The following LDLRAD3 variants were observed in gnomAD, a reference collection of about 807,000 sequenced individuals.
LDLRAD3 encodes low density lipoprotein receptor class A domain containing 3, also known as low-density lipoprotein receptor class A domain-containing protein 3.
LDLRAD3 carries 20 observed loss-of-function variants against 29.4 expected under a neutral mutation model. That is an observed-to-expected ratio of 0.68 (90% confidence interval 0.48 to 0.99). LDLRAD3 has a LOEUF of 0.99. LDLRAD3 is among the 50% of genes least tolerant of loss of function. The probability of loss-of-function intolerance (pLI) is 0.00; values close to 1 mark genes in which losing one functional copy is unlikely to be tolerated. For missense variants in LDLRAD3, 420 were observed against 454.3 expected (o/e 0.92, Z 0.69); for synonymous variants, 157 against 192.7 (o/e 0.81, Z 1.53).
chr11:36,015,306 T>TCCCCCCCCCCCCC (rs11347924), intron 1 of LDLRAD3, among the ~76,000 whole-genome samples: 1 of 87,722 alleles, frequency 1.1e-5, no homozygotes, highest in Non-Finnish European at 2.3e-5. Context: ...GACATGCCAT[T>TCCCCCCCCCCCCC]CCCCCCCCCC....
chr11:36,113,130 T>A (rs1181883820), intron 4 of LDLRAD3, among the ~76,000 whole-genome samples: 1 of 152,206 alleles, frequency 6.6e-6, no homozygotes, highest in Non-Finnish European at 1.5e-5. Flanking sequence ...TCTTCTATGA[T>A]TCTTTCTCAC....
rs1317435859 is a variant in LDLRAD3 at position 35,944,672 on chromosome 11, C to T, written c.46+528C>T. On this transcript the variant is annotated intron_variant, in intron 1 of 5. Transcript: ENST00000315571. This position sits in a 1 kb window ranked among gnomAD's most constrained non-coding sequence, Gnocchi z 4.9. ...AGCAAAGCTGCTTCCTTTCATTCCT[C>T]TCTGGGACTGTTTGGTTTGGGTAAA... Among the ~76,000 whole-genome samples, 2 of 152,182 alleles carry T rather than the reference C, an allele frequency of 1.3e-5. No individual in the cohort carries two copies. Among genetic ancestry groups the T allele is most frequent in the Non-Finnish European group, 2.9e-5 (2 of 68,042 alleles).
intron 4 of LDLRAD3, among the ~76,000 whole-genome samples, chr11:36,165,954 C>T (rs1565272934): frequency 1.6e-5 from 2 of 121,654 alleles, no homozygotes; most frequent in South Asian, 6.6e-4. Context: ...TCCTCCCTCC[C>T]TCCCTCCCTC....
At chr11:36,034,150 G>T (rs1314576522) in intron 1 of LDLRAD3, among the ~76,000 whole-genome samples, 2 of 151,998 alleles carry the variant, frequency 1.3e-5, no homozygotes, top group Non-Finnish European at 2.9e-5. Context: ...AATCTTTTTT[G>T]ATTTATTTGA....
Position 36,136,917 on chromosome 11 carries a change from C to T in LDLRAD3, c.454+38456C>T, listed in dbSNP as rs1854012731. 2.6e-5 allele frequency among the ~76,000 whole-genome samples: 4 copies of T among 152,268 alleles called. No homozygotes were observed. In the South Asian group the frequency reaches 8.3e-4, roughly 32 times the overall value. ...TGTTGGCCAAGTGGGTCTCAAACTC[C>T]TGGCCTCGAGTGATCCACCTGCCTC... is the stretch of plus-strand genomic sequence containing the variant. On this transcript the variant is annotated intron_variant, in intron 4 of 5. Coordinates refer to ENST00000315571, the MANE Select transcript of LDLRAD3 (RefSeq NM_174902.4).
chr11:35,974,442 A>G (rs945204433), intron 1 of LDLRAD3, among the ~76,000 whole-genome samples: 1 of 152,134 alleles, frequency 6.6e-6, no homozygotes, highest in Non-Finnish European at 1.5e-5. Context: ...GCACACACTT[A>G]CTTACTATGT....
chr11:35,944,391 C>T lies in LDLRAD3; in HGVS notation c.46+247C>T, dbSNP rs146027334. The stretch of plus-strand genomic sequence containing the variant: ...TTGTGCTGTGTGCGCGGGCGGGGCT[C>T]TGTGTGCAGTCCGGGTCTGGGGAGC... On this transcript the variant is annotated intron_variant, in intron 1 of 5. Transcript: ENST00000315571. This position sits in a 1 kb window ranked among gnomAD's most constrained non-coding sequence, Gnocchi z 4.9. Among the ~76,000 whole-genome samples, 2 of 152,050 alleles carry T rather than the reference C, an allele frequency of 1.3e-5. No homozygotes were observed. The highest frequency in any genetic ancestry group is 4.8e-5 in the African/African-American group (2 of 41,434).
intron 4 of LDLRAD3, among the ~76,000 whole-genome samples, chr11:36,149,888 A>G (rs1270896632): frequency 2.6e-5 from 4 of 151,970 alleles, no homozygotes; most frequent in Non-Finnish European, 4.4e-5. Flanking sequence ...CATGTTCCTC[A>G]TGACTCATGA....
At chr11:36,125,277 A>G (rs1853818970) in intron 4 of LDLRAD3, among the ~76,000 whole-genome samples, 1 of 152,154 alleles carries the variant, frequency 6.6e-6, no homozygotes, top group Non-Finnish European at 1.5e-5. Context: ...ATGGTCTCTG[A>G]AAGCAACTTC....
At chr11:36,174,413 C>A (rs1854641487) in intron 4 of LDLRAD3, among the ~76,000 whole-genome samples, 1 of 152,166 alleles carries the variant, frequency 6.6e-6, no homozygotes, top group Non-Finnish European at 1.5e-5. Flanking sequence ...AAACTACCAT[C>A]AGAGTGAACA....
intron 3 of LDLRAD3, among the ~76,000 whole-genome samples, chr11:36,093,060 C>A (rs1853307242): frequency 6.6e-6 from 1 of 152,130 alleles, no homozygotes; most frequent in South Asian, 2.1e-4. Context: ...AGCAACTATG[C>A]CCCTGAGTGT....
At chr11:36,142,337 C>T (rs1249069447) in intron 4 of LDLRAD3, among the ~76,000 whole-genome samples, 3 of 152,172 alleles carry the variant, frequency 2.0e-5, no homozygotes, top group Non-Finnish European at 4.4e-5. Context: ...TATCCATGTG[C>T]CTGTTTGTTC....
intron 2 of LDLRAD3, among the ~76,000 whole-genome samples, chr11:36,070,525 C>T (rs1237082045): frequency 6.6e-6 from 1 of 152,122 alleles, no homozygotes; most frequent in Non-Finnish European, 1.5e-5. Context: ...GGAGTCATGG[C>T]CAGAGTAGGT....
intron 4 of LDLRAD3, among the ~76,000 whole-genome samples, chr11:36,206,961 C>T (rs939262046): frequency 2.0e-5 from 3 of 152,028 alleles, no homozygotes; most frequent in Non-Finnish European, 2.9e-5. Context: ...CTCTTGACCT[C>T]GTGATACACC....
intron 3 of LDLRAD3, among the ~76,000 whole-genome samples, chr11:36,086,239 G>A (rs772956283): frequency 6.6e-6 from 1 of 152,090 alleles, no homozygotes; most frequent in Non-Finnish European, 1.5e-5. Flanking sequence ...CAACATCTGT[G>A]TCATCTTGGC....
intron 3 of LDLRAD3, among the ~76,000 whole-genome samples, chr11:36,087,157 A>G (rs186739535): frequency 1.3e-5 from 2 of 152,348 alleles, no homozygotes; most frequent in Non-Finnish European, 2.9e-5. Context: ...AACAGAGGAA[A>G]AGGGAACTTA....
intron 1 of LDLRAD3, among the ~76,000 whole-genome samples, chr11:36,032,614 A>G (rs926164684): frequency 6.6e-6 from 1 of 152,150 alleles, no homozygotes; most frequent in Non-Finnish European, 1.5e-5. Context: ...AGGTATAGCA[A>G]CATCTCTGGA....
Position 36,081,919 on chromosome 11 carries a change from C to G in LDLRAD3, c.319+141C>G, listed in dbSNP as rs1372602394. Reference sequence around the variant, plus strand: ...TCTGTTACCCAGATTCTGTTCTTCCCTACTTCTTGTGTAAATCTGTAAATG... The same window carrying G: ...TCTGTTACCCAGATTCTGTTCTTCCGTACTTCTTGTGTAAATCTGTAAATG... On this transcript the variant is annotated intron_variant, in intron 3 of 5. Transcript: ENST00000315571. 3 of 1,013,936 alleles carry G rather than the reference C, an allele frequency of 3.0e-6. No homozygotes were observed. In the African/African-American group the frequency reaches 4.8e-5, roughly 16 times the overall value. 62.8% of individuals were successfully genotyped at this position (1,013,936 alleles called of 1,614,324 possible).
chr11:36,186,931 T>G (rs1490973986), intron 4 of LDLRAD3, among the ~76,000 whole-genome samples: 1 of 152,204 alleles, frequency 6.6e-6, no homozygotes, highest in African/African-American at 2.4e-5. Context: ...TCCCCTTAAG[T>G]TGATAGTGGA....
Sources: allele counts gnomAD v4.1 joint callset (sites outside exome capture counted in the v4.1 genomes callset), GRCh38; gene constraint gnomAD v4.1.1; non-coding constraint Gnocchi (gnomAD v3.1); transcripts MANE v1.5; gene names NCBI Gene and HGNC (gene_info 2026-07-23, HGNC 2026-07-21).